The following NEMP2 variants were observed in gnomAD, a reference collection of about 807,000 sequenced individuals.
The protein encoded by NEMP2 is UPF0571 transmembrane protein.
NEMP2 carries 53 observed loss-of-function variants against 54.2 expected under a neutral mutation model. The observed-to-expected ratio is 0.98, with a 90% confidence interval of 0.78 to 1.23. The LOEUF is 1.23. Among genes scored for constraint, NEMP2 ranks in the 50% most tolerant of loss-of-function variants. The pLI is 0.00. For synonymous variants in NEMP2, 197 were observed against 190.3 expected, an observed-to-expected ratio of 1.04 and a Z score of -0.29; for missense variants, 455 against 511.3, an observed-to-expected ratio of 0.89 and a Z score of 1.06.
At chr2:190,630,428 G>A in the NEMP2 span, among the ~76,000 whole-genome samples, 1 of 152,100 alleles carries the variant, frequency 6.6e-6, no homozygotes, top group Non-Finnish European at 1.5e-5. The surrounding 1 kb of genome is among the most constrained non-coding windows in gnomAD (Gnocchi z 5.5). Flanking sequence ...ATGTTGGCCA[G>A]GCTAGCCTCA....
At chr2:190,428,482 C>A in the NEMP2 span, among the ~76,000 whole-genome samples, 1 of 152,026 alleles carries the variant, frequency 6.6e-6, no homozygotes, top group Non-Finnish European at 1.5e-5. Context: ...GTTGAGCATC[C>A]CTTATTTAAA....
chr2:190,644,202 T>G, the NEMP2 span, among the ~76,000 whole-genome samples: 1 of 152,160 alleles, frequency 6.6e-6, no homozygotes, highest in Admixed American at 6.5e-5. This position sits in a 1 kb window ranked among gnomAD's most constrained non-coding sequence, Gnocchi z 4.4. Flanking sequence ...TCAGCAAGTA[T>G]TAGAAGGATT....
chr2:190,546,829 T>C, the NEMP2 span, among the ~76,000 whole-genome samples: 1 of 152,226 alleles, frequency 6.6e-6, no homozygotes, highest in Non-Finnish European at 1.5e-5. The surrounding 1 kb of genome is among the most constrained non-coding windows in gnomAD (Gnocchi z 5.1). Flanking sequence ...ACATTTATTA[T>C]GTTGTGTGCA....
chr2:190,422,845 G>T, the NEMP2 span, among the ~76,000 whole-genome samples: 1 of 151,490 alleles, frequency 6.6e-6, no homozygotes, highest in African/African-American at 2.4e-5. Context: ...TTGACTTCCT[G>T]GGAGATGCTA....
chr2:190,464,973 C>T, the NEMP2 span: 1 of 842,318 alleles, frequency 1.2e-6, no homozygotes, highest in Non-Finnish European at 1.4e-6. Flanking sequence ...TAGGGTCTCA[C>T]AACTAACTAC....
chr2:190,464,120 G>A, the NEMP2 span, among the ~76,000 whole-genome samples: 1 of 152,106 alleles, frequency 6.6e-6, no homozygotes, highest in Non-Finnish European at 1.5e-5. Flanking sequence ...CCCTGGCCTC[G>A]AGCAACCTTG....
chr2:190,589,800 G>A, the NEMP2 span, among the ~76,000 whole-genome samples: 1 of 152,036 alleles, frequency 6.6e-6, no homozygotes, highest in African/African-American at 2.4e-5. This position sits in a 1 kb window ranked among gnomAD's most constrained non-coding sequence, Gnocchi z 4.3. Context: ...TTACTGATTC[G>A]AGCCATTGCC....
the NEMP2 span, among the ~76,000 whole-genome samples, chr2:190,425,456 T>A: frequency 1.4e-4 from 22 of 152,326 alleles, no homozygotes; most frequent in South Asian, 1.2e-3. The surrounding 1 kb of genome is among the most constrained non-coding windows in gnomAD (Gnocchi z 4.3). Flanking sequence ...AAGTGCAGTG[T>A]TACCCATGGG....
chr2:190,463,947 C>G, the NEMP2 span: 8 of 946,878 alleles, frequency 8.4e-6, no homozygotes, highest in African/African-American at 1.2e-4. The surrounding 1 kb of genome is among the most constrained non-coding windows in gnomAD (Gnocchi z 4.4). Flanking sequence ...AGACTGTAGA[C>G]TGTGCTCCAG....
At chr2:190,426,335 A>T in the NEMP2 span, among the ~76,000 whole-genome samples, 4 of 152,178 alleles carry the variant, frequency 2.6e-5, no homozygotes, top group South Asian at 8.3e-4. This position sits in a 1 kb window ranked among gnomAD's most constrained non-coding sequence, Gnocchi z 4.7. Flanking sequence ...TATTAAGTGT[A>T]TCCATTAAGA....
the NEMP2 span, among the ~76,000 whole-genome samples, chr2:190,426,744 A>G: frequency 1.3e-5 from 2 of 151,868 alleles, no homozygotes; most frequent in Middle Eastern, 3.4e-3. This position sits in a 1 kb window ranked among gnomAD's most constrained non-coding sequence, Gnocchi z 4.7. Context: ...GCCTTTCTCC[A>G]TTCAGTTTGA....
upstream of NEMP2, among the ~76,000 whole-genome samples, chr2:190,536,530 A>G (rs1488451495): frequency 6.6e-6 from 1 of 152,184 alleles, no homozygotes; most frequent in Non-Finnish European, 1.5e-5. Context: ...AAAGCCCCAC[A>G]TCTAAGGTTC....
At chr2:190,449,949 G>C in the NEMP2 span, among the ~76,000 whole-genome samples, 2 of 151,828 alleles carry the variant, frequency 1.3e-5, no homozygotes, top group African/African-American at 4.8e-5. Flanking sequence ...CACCAGCATG[G>C]CACATGTATA....
chr2:190,453,053 T>C, the NEMP2 span, among the ~76,000 whole-genome samples: 2 of 152,158 alleles, frequency 1.3e-5, no homozygotes, highest in African/African-American at 2.4e-5. Context: ...ATGGAGCTCA[T>C]GTTCTGTTGG....
At position 190,519,310 on chromosome 2, in the gene NEMP2, C is replaced by T. The variant is rs922090617; in HGVS notation, c.214-127G>A. The T allele has an allele frequency of 3.6e-5, 24 of 660,698 alleles. No individual in the cohort carries two copies. The East Asian group carries it at 3.9e-4, about 11-fold the overall frequency. 40.9% of individuals were successfully genotyped at this position (660,698 alleles called of 1,614,324 possible). A position where few individuals can be genotyped will look rare whatever the true frequency, so the allele number is the denominator to read the frequency against. ...GATCTCTGCTCACTGCAACCTGTGC[C>T]TCCAGGGCTCAGGTGACCCTCCCAC... On this transcript the variant is annotated intron_variant, in intron 2 of 8. Transcript: ENST00000409150. This position sits in a 1 kb window ranked among gnomAD's most constrained non-coding sequence, Gnocchi z 5.4.
the NEMP2 span, among the ~76,000 whole-genome samples, chr2:190,588,004 T>C: frequency 3.3e-5 from 5 of 152,062 alleles, no homozygotes; most frequent in Admixed American, 3.3e-4. The surrounding 1 kb of genome is among the most constrained non-coding windows in gnomAD (Gnocchi z 5.0). Context: ...CCCAGACAAA[T>C]CATTGGAACT....
chr2:190,432,726 G>A, the NEMP2 span, among the ~76,000 whole-genome samples: 2 of 152,076 alleles, frequency 1.3e-5, no homozygotes, highest in African/African-American at 2.4e-5. Flanking sequence ...CAAAATCTCT[G>A]TGTTTTACTT....
rs1194829723 is a variant in NEMP2, at chr2:190,513,203, A to T, written c.953+1250T>A. Among the ~76,000 whole-genome samples the T allele has an allele frequency of 1.3e-5, 2 of 152,144 alleles. No individual in the cohort carries two copies. The highest frequency in any genetic ancestry group is 4.8e-5 in the African/African-American group (2 of 41,436). On this transcript the variant is annotated intron_variant, in intron 7 of 8. Coordinates refer to ENST00000409150, the MANE Select transcript of NEMP2 (RefSeq NM_001142645.2). The surrounding 1 kb of genome is among the most constrained non-coding windows in gnomAD (Gnocchi z 5.3). Reference sequence around the variant, plus strand: ...GGTGTGATTTTTGTTTGTTCAATGTATTTTTATTTTTAATTATTTTTACTT... The same window carrying T: ...GGTGTGATTTTTGTTTGTTCAATGTTTTTTTATTTTTAATTATTTTTACTT...
intron 2 of NEMP2, among the ~76,000 whole-genome samples, chr2:190,524,378 A>T (rs1004625806): frequency 1.3e-5 from 2 of 152,232 alleles, no homozygotes; most frequent in Non-Finnish European, 2.9e-5. Flanking sequence ...AATACTCATT[A>T]AAGGGAAGAA....
Sources: gnomAD v4.1 joint callset for allele counts (sites outside exome capture counted in the v4.1 genomes callset) on GRCh38, gnomAD v4.1.1 for gene constraint, Gnocchi (gnomAD v3.1) non-coding constraint, MANE v1.5 for transcripts, NCBI Gene and HGNC (gene_info 2026-07-23, HGNC 2026-07-21) for gene names.